The following FUT9 variants were observed in gnomAD, a reference collection of about 807,000 sequenced individuals.
The protein encoded by FUT9 is fucosyltransferase 9, also known as 4-galactosyl-N-acetylglucosaminide 3-alpha-L-fucosyltransferase 9.
A neutral mutation model predicts 29.7 loss-of-function variants in FUT9; 15 were observed. The ratio of observed to expected loss-of-function variants is 0.51; its 90% CI spans 0.34 to 0.78. The LOEUF (loss-of-function observed/expected upper bound fraction) is 0.78. FUT9 is among the 30% of genes least tolerant of loss of function. The pLI is 0.01. For synonymous variants in FUT9, 169 were observed against 153.7 expected (o/e 1.10, Z -0.74); for missense variants, 319 against 425.4 (o/e 0.75, Z 2.20).
chr6:96,126,663 A>G (rs1195891755), intron 2 of FUT9, among the ~76,000 whole-genome samples: 2 of 152,228 alleles, frequency 1.3e-5, no homozygotes, highest in South Asian at 2.1e-4. Flanking sequence ...GCGTCAGACT[A>G]AGAGATTGAG....
chr6:96,077,225 C>T (rs528830265), intron 1 of FUT9, among the ~76,000 whole-genome samples: 3 of 152,186 alleles, frequency 2.0e-5, no homozygotes, highest in Admixed American at 2.0e-4. Flanking sequence ...GTTGCTCCCC[C>T]ACCAACACAC....
intron 1 of FUT9, among the ~76,000 whole-genome samples, chr6:96,070,780 G>A (rs555237789): frequency 1.3e-5 from 2 of 152,252 alleles, no homozygotes; most frequent in East Asian, 3.9e-4. Context: ...GTGAAAATAT[G>A]TATGCAGTTT....
At chr6:96,021,657 G>T (rs1197756565) in intron 1 of FUT9, among the ~76,000 whole-genome samples, 1 of 152,000 alleles carries the variant, frequency 6.6e-6, no homozygotes, top group East Asian at 1.9e-4. Flanking sequence ...TTGCAATTCA[G>T]TGATAGAAAA....
intron 2 of FUT9, among the ~76,000 whole-genome samples, chr6:96,124,429 C>T (rs990555313): frequency 6.6e-6 from 1 of 152,034 alleles, no homozygotes; most frequent in Admixed American, 6.6e-5. Flanking sequence ...GGATTACAGG[C>T]GTGAGCCACT....
At chr6:96,082,107 G>T (rs1408473444) in intron 1 of FUT9, among the ~76,000 whole-genome samples, 5 of 151,488 alleles carry the variant, frequency 3.3e-5, no homozygotes, top group Non-Finnish European at 7.4e-5. Context: ...TCCAGTTCAG[G>T]TCTTGACTTT....
intron 1 of FUT9, among the ~76,000 whole-genome samples, chr6:96,089,167 T>A (rs1771370727): frequency 6.6e-6 from 1 of 152,232 alleles, no homozygotes; most frequent in Non-Finnish European, 1.5e-5. Flanking sequence ...ATTTTGGTAG[T>A]TTTGTTTCAT....
chr6:96,093,303 G>T (rs1207782372), intron 1 of FUT9, among the ~76,000 whole-genome samples: 2 of 152,002 alleles, frequency 1.3e-5, no homozygotes, highest in South Asian at 2.1e-4. Flanking sequence ...TTCTTTCATA[G>T]GATTCTCTTA....
chr6:96,052,419 C>A (rs1485898171), intron 1 of FUT9, among the ~76,000 whole-genome samples: 1 of 152,142 alleles, frequency 6.6e-6, no homozygotes, highest in Non-Finnish European at 1.5e-5. Context: ...GCTGAGTTCC[C>A]TGCATTTTAT....
intron 1 of FUT9, among the ~76,000 whole-genome samples, chr6:96,094,287 T>C (rs1771459637): frequency 6.6e-6 from 1 of 152,166 alleles, no homozygotes; most frequent in African/African-American, 2.4e-5. Context: ...GGTCATTTTG[T>C]AGCTAGCTGG....
chr6:96,172,356 A>G (rs891689595), intron 2 of FUT9, among the ~76,000 whole-genome samples: 1 of 152,206 alleles, frequency 6.6e-6, no homozygotes, highest in Non-Finnish European at 1.5e-5. Context: ...TTTTTGTTGG[A>G]AACATTGACA....
At chr6:96,158,677 G>T (rs1362490827) in intron 2 of FUT9, among the ~76,000 whole-genome samples, 7 of 152,036 alleles carry the variant, frequency 4.6e-5, no homozygotes. Context: ...GAGACTTAAA[G>T]AATCTCCAAC....
chr6:96,029,921 A>G (rs973294694), intron 1 of FUT9, among the ~76,000 whole-genome samples: 4 of 151,656 alleles, frequency 2.6e-5, no homozygotes, highest in Non-Finnish European at 4.4e-5. Context: ...AAATTCTGCA[A>G]TAAGTGGATA....
intron 1 of FUT9, among the ~76,000 whole-genome samples, chr6:96,079,456 T>G (rs531509113): frequency 1.3e-5 from 2 of 152,318 alleles, no homozygotes; most frequent in African/African-American, 4.8e-5. Flanking sequence ...CTGATATTCC[T>G]CTCTGTTTCC....
At chr6:96,188,434 T>C (rs1399729246) in intron 2 of FUT9, among the ~76,000 whole-genome samples, 1 of 152,064 alleles carries the variant, frequency 6.6e-6, no homozygotes, top group East Asian at 1.9e-4. Context: ...AGTGCTGGGA[T>C]TACAGGCATG....
At chr6:96,074,132 G>A (rs925184769) in intron 1 of FUT9, among the ~76,000 whole-genome samples, 1 of 152,100 alleles carries the variant, frequency 6.6e-6, no homozygotes, top group Non-Finnish European at 1.5e-5. Context: ...ATTAGCAGTA[G>A]TTGGTTTTTA....
Position 96,210,736 on chromosome 6 carries a change from C to T in FUT9, c.*6501C>T, listed in dbSNP as rs138486685. 6.0e-6 allele frequency: 1 copy of T among 167,028 alleles called. No homozygotes were observed. The highest frequency in any genetic ancestry group is 1.5e-5 in the Non-Finnish European group (1 of 68,034). The allele number at this position is 167,028 out of a possible 1,614,324, so 10.3% of individuals were successfully genotyped here. A position where few individuals can be genotyped will look rare whatever the true frequency, so the allele number is the denominator to read the frequency against. On this transcript the variant is annotated 3_prime_UTR_variant, in exon 3 of 3. Transcript: ENST00000302103. ...TCTATTGTATGTGTTTAAGAGACCA[C>T]ATTCTTGGGTTCCAAAGTCTCCTTG...
intron 2 of FUT9, among the ~76,000 whole-genome samples, chr6:96,177,516 CCTAT>C (rs754428077): frequency 3.9e-5 from 6 of 152,080 alleles, no homozygotes; most frequent in Non-Finnish European, 8.8e-5. Context: ...AAACAGAAAA[CCTAT>C]CTGTTTCTGA....
At chr6:96,150,160 A>C (rs1448514137) in intron 2 of FUT9, among the ~76,000 whole-genome samples, 1 of 152,322 alleles carries the variant, frequency 6.6e-6, no homozygotes, top group Middle Eastern at 3.4e-3. Flanking sequence ...AAATGGTGTC[A>C]GTAGTATGGT....
intron 2 of FUT9, among the ~76,000 whole-genome samples, chr6:96,182,197 T>A (rs958453513): frequency 6.6e-6 from 1 of 152,102 alleles, no homozygotes; most frequent in African/African-American, 2.4e-5. Context: ...CATTTTTTCA[T>A]ATGTTTATTG....
Sources: gnomAD v4.1 joint callset for allele counts (sites outside exome capture counted in the v4.1 genomes callset) on GRCh38, gnomAD v4.1.1 for gene constraint, MANE v1.5 for transcripts, NCBI Gene and HGNC (gene_info 2026-07-23, HGNC 2026-07-21) for gene names.